ZMAT4: variants seen among roughly 807,000 people sequenced by gnomAD.
The protein encoded by ZMAT4 is zinc finger matrin-type 4.
ZMAT4 carries 17 observed loss-of-function variants against 28.7 expected under a neutral mutation model. The observed-to-expected ratio is 0.59, with a 90% CI of 0.41 to 0.89. The LOEUF is 0.89. Ranked by LOEUF, ZMAT4 falls within the 40% of genes least tolerant of loss-of-function variation. The probability of loss-of-function intolerance (pLI) is 0.00; values close to 1 mark genes in which losing one functional copy is unlikely to be tolerated. For missense variants in ZMAT4, 240 were observed against 283.8 expected (o/e 0.85, Z 1.11); for synonymous variants, 117 against 109.2 (o/e 1.07, Z -0.44).
At chr8:40,886,029 T>A (rs1818440119) in intron 1 of ZMAT4, among the ~76,000 whole-genome samples, 1 of 152,244 alleles carries the variant, frequency 6.6e-6, no homozygotes, top group African/African-American at 2.4e-5. Flanking sequence ...GAAGTGTACC[T>A]ACCAATTCCC....
intron 1 of ZMAT4, among the ~76,000 whole-genome samples, chr8:40,880,267 G>T (rs1818175210): frequency 6.6e-6 from 1 of 151,424 alleles, no homozygotes; most frequent in Admixed American, 6.6e-5. Flanking sequence ...TACTCGGGAG[G>T]CTGAGGCAGG....
At chr8:40,662,349 T>C (rs1027263677) in intron 5 of ZMAT4, among the ~76,000 whole-genome samples, 2 of 152,156 alleles carry the variant, frequency 1.3e-5, no homozygotes, top group African/African-American at 4.8e-5. Flanking sequence ...GGTCAACATC[T>C]AATAACAGAG....
intron 3 of ZMAT4, among the ~76,000 whole-genome samples, chr8:40,743,692 T>C (rs751458480): frequency 2.6e-5 from 4 of 151,964 alleles, no homozygotes; most frequent in Admixed American, 6.6e-5. Flanking sequence ...CAAAACAGAA[T>C]TGGGATAGCG....
intron 3 of ZMAT4, among the ~76,000 whole-genome samples, chr8:40,724,774 A>C (rs1422003119): frequency 1.8e-4 from 27 of 152,186 alleles, no homozygotes; most frequent in Admixed American, 1.8e-3. Context: ...GGCCAAGCCT[A>C]TGTGAGATGT....
chr8:40,807,262 C>A (rs1815126838), intron 2 of ZMAT4, among the ~76,000 whole-genome samples: 1 of 151,616 alleles, frequency 6.6e-6, no homozygotes, highest in Non-Finnish European at 1.5e-5. Flanking sequence ...GTCAACATGG[C>A]AAAACCTCGT....
At chr8:40,775,868 G>A (rs903116310) in intron 2 of ZMAT4, among the ~76,000 whole-genome samples, 3 of 152,160 alleles carry the variant, frequency 2.0e-5, no homozygotes, top group Non-Finnish European at 4.4e-5. Flanking sequence ...CTAACTGATA[G>A]GACCGGTGTC....
At chr8:40,812,896 G>GGGCGA (rs1233312844) in intron 2 of ZMAT4, among the ~76,000 whole-genome samples, 1 of 151,144 alleles carries the variant, frequency 6.6e-6, no homozygotes, top group Non-Finnish European at 1.5e-5. Context: ...TTGTGCCACT[G>GGGCGA]CACTCCAGCC....
At chr8:40,730,879 T>C (rs1811507778) in intron 3 of ZMAT4, among the ~76,000 whole-genome samples, 1 of 152,186 alleles carries the variant, frequency 6.6e-6, no homozygotes, top group African/African-American at 2.4e-5. Flanking sequence ...GGCTTGCAAC[T>C]TCCAAGAGAA....
chr8:40,601,574 GAA>G (rs1203465765), intron 5 of ZMAT4, among the ~76,000 whole-genome samples: 2 of 5,298 alleles, frequency 3.8e-4, no homozygotes, highest in Non-Finnish European at 5.5e-4. Context: ...AAGAAAGAAA[GAA>G]AGAAAGAAAG....
At chr8:40,583,844 A>T (rs1288823286) in intron 5 of ZMAT4, among the ~76,000 whole-genome samples, 1 of 152,172 alleles carries the variant, frequency 6.6e-6, no homozygotes, top group Admixed American at 6.5e-5. Context: ...TGAGTCCTTG[A>T]TCGGCCTCCC....
At chr8:40,631,570 G>C (rs374014587) in intron 5 of ZMAT4, among the ~76,000 whole-genome samples, 1 of 152,200 alleles carries the variant, frequency 6.6e-6, no homozygotes, top group Admixed American at 6.5e-5. Context: ...GCAGTTCCCT[G>C]TTCTGGCCTG....
At chr8:40,578,410 G>A (rs1376617925) in intron 6 of ZMAT4, among the ~76,000 whole-genome samples, 1 of 151,990 alleles carries the variant, frequency 6.6e-6, no homozygotes, top group African/African-American at 2.4e-5. Flanking sequence ...TAATATCATA[G>A]GAGATTATCT....
intron 3 of ZMAT4, among the ~76,000 whole-genome samples, chr8:40,753,057 C>T (rs149805600): frequency 0.11 from 2,387 of 22,398 alleles, 31 homozygotes; most frequent in Non-Finnish European, 0.19. Context: ...CCCCCACCCC[C>T]CAACAGGCCC....
intron 2 of ZMAT4, among the ~76,000 whole-genome samples, chr8:40,788,380 C>G (rs113874747): frequency 0.41 from 62,271 of 151,912 alleles, 13,154 homozygotes; most frequent in Middle Eastern, 0.48. Flanking sequence ...GTCAGGAGAT[C>G]GAGATCATCC....
intron 4 of ZMAT4, 53 bp downstream of exon 4, chr8:40,697,192 A>G (rs1809925997): frequency 3.5e-5 from 53 of 1,496,214 alleles, no homozygotes; most frequent in Non-Finnish European, 4.6e-5. Flanking sequence ...TCTGCAAGAC[A>G]GGCCAGCACT....
chr8:40,888,919 C>G (rs1338182062), intron 1 of ZMAT4, among the ~76,000 whole-genome samples: 1 of 152,218 alleles, frequency 6.6e-6, no homozygotes, highest in Non-Finnish European at 1.5e-5. Context: ...TGGCTTCACA[C>G]CTTCTTGCAG....
chr8:40,824,732 G>GAAAGAAAGAAGA (rs376367926), intron 2 of ZMAT4, among the ~76,000 whole-genome samples: 3 of 127,152 alleles, frequency 2.4e-5, no homozygotes, highest in African/African-American at 5.8e-5. Flanking sequence ...AAGAAAGAAA[G>GAAAGAAAGAAGA]AAGAAAGAAA....
At chr8:40,784,347 A>C (rs1813973640) in intron 2 of ZMAT4, among the ~76,000 whole-genome samples, 2 of 152,208 alleles carry the variant, frequency 1.3e-5, no homozygotes, top group South Asian at 2.1e-4. Context: ...CGGAAAAATC[A>C]TTTGACAAAA....
chr8:40,838,682 C>T lies in ZMAT4; in HGVS notation c.-4-13002G>A, dbSNP rs1816588178. ...GGCCAGACTGACTCTCAGTCAATGC[C>T]ACCAGCCCTGCCCCTCCTAACACCC... is the stretch of plus-strand genomic sequence containing the variant. On this transcript the variant is annotated intron_variant, in intron 1 of 6. Transcript: ENST00000297737. Among the ~76,000 whole-genome samples the T allele has an allele frequency of 2.0e-5, 3 of 152,126 alleles. No homozygotes were observed. In the South Asian group the frequency reaches 6.2e-4, roughly 31 times the overall value.
Sources: gnomAD v4.1 joint callset for allele counts (sites outside exome capture counted in the v4.1 genomes callset) on GRCh38, gnomAD v4.1.1 for gene constraint, MANE v1.5 for transcripts, NCBI Gene and HGNC (gene_info 2026-07-23, HGNC 2026-07-21) for gene names.